Variants in SMG1 observed in about 807,000 individuals in gnomAD.
SMG1 encodes the protein serine/threonine-protein kinase SMG1.
Under a neutral mutation model 419.9 loss-of-function variants are expected in SMG1, and 22 were observed. That is an observed-to-expected ratio of 0.05 (90% CI 0.04 to 0.07). The LOEUF (loss-of-function observed/expected upper bound fraction) is 0.07. Ranked by LOEUF, SMG1 falls within the 10% of genes least tolerant of loss-of-function variation. SMG1 has a pLI of 1.00. For missense variants in SMG1, 3,185 were observed against 4,342.0 expected, an observed-to-expected ratio of 0.73 and a Z score of 7.49; for synonymous variants, 1,538 against 1,553.5, an observed-to-expected ratio of 0.99 and a Z score of 0.23.
intron 1 of SMG1, among the ~76,000 whole-genome samples, chr16:18,918,551 G>GTT (rs1479083196): frequency 6.6e-6 from 1 of 151,880 alleles, no homozygotes; most frequent in Non-Finnish European, 1.5e-5. Context: ...GACCCTCCAG[G>GTT]TTTTTGTTTT....
intron 29 of SMG1, chr16:18,857,588 A>C (rs1448009116): frequency 2.0e-5 from 3 of 152,224 alleles, no homozygotes; most frequent in Admixed American, 2.0e-4. Context: ...CAGTGATTAA[A>C]ATTTTTTTAA....
At chr16:18,898,209 C>A (rs1270319013) in intron 1 of SMG1, among the ~76,000 whole-genome samples, 2 of 152,128 alleles carry the variant, frequency 1.3e-5, no homozygotes. Context: ...AGAATGCAGA[C>A]AACAGGTCCA....
At chr16:18,900,754 A>C (rs955691449) in intron 1 of SMG1, among the ~76,000 whole-genome samples, 1 of 152,336 alleles carries the variant, frequency 6.6e-6, no homozygotes. Context: ...TATTCTCTAA[A>C]GTAGCAAAGA....
chr16:18,899,199 C>T (rs117918864), intron 1 of SMG1, among the ~76,000 whole-genome samples: 5,331 of 152,096 alleles, frequency 0.035, 149 homozygotes, highest in Non-Finnish European at 0.053. Context: ...CTGAAGAAAC[C>T]GGGTAATCTG....
chr16:18,891,322 T>C lies in SMG1; in HGVS notation c.550-401A>G, dbSNP rs2036866624. On this transcript the variant is annotated intron_variant, in intron 4 of 62. Coordinates refer to ENST00000446231, the MANE Select transcript of SMG1 (RefSeq NM_015092.5). ...AATGTCAAATTCTTTCAACTTGCTA[T>C]ATATTTGAACCTTCTCATAATAAAA... Among the ~76,000 whole-genome samples, 5 of 152,236 alleles carry C rather than the reference T, an allele frequency of 3.3e-5. No homozygotes were observed. In the South Asian group the frequency reaches 1.0e-3, roughly 31 times the overall value.
intron 41 of SMG1, 78 bp from the exon 42 acceptor site, chr16:18,840,024 T>C (rs2033824339): frequency 9.3e-6 from 11 of 1,187,176 alleles, no homozygotes; most frequent in Admixed American, 2.8e-5. Context: ...GTATGTAAAG[T>C]AGAATTTTTA....
chr16:18,875,954 C>T, intron 13 of SMG1, 170 bp downstream of exon 13: 2 of 676,860 alleles, frequency 3.0e-6, no homozygotes, highest in South Asian at 4.4e-5. Flanking sequence ...AAATATAATG[C>T]CAAGAAAACA....
rs1021388260 is a variant in SMG1, at chr16:18,806,731, G to A, written c.*2838C>T. The A allele has an allele frequency of 6.6e-6, 1 of 152,226 alleles. No individual in the cohort carries two copies. Among genetic ancestry groups the A allele is most frequent in the Non-Finnish European group, 1.5e-5 (1 of 68,040 alleles). 9.4% of individuals were successfully genotyped at this position (152,226 alleles called of 1,614,324 possible). On this transcript the variant is annotated 3_prime_UTR_variant, in exon 63 of 63. Coordinates refer to ENST00000446231, the MANE Select transcript of SMG1 (RefSeq NM_015092.5). ...TGATTCTTAAAGAAAGTGGAGGAGA[G>A]GGGGAGGCGACAGAGGAATGGAGGG... is the stretch of plus-strand genomic sequence containing the variant.
chr16:18,845,697 A>G (rs1383704002), intron 38 of SMG1, 46 bp from the exon 39 acceptor site: 2 of 1,413,072 alleles, frequency 1.4e-6, no homozygotes, highest in African/African-American at 1.4e-5. Flanking sequence ...TGTGTACATT[A>G]AAGTTTTACA....
chr16:18,923,770 T>A (rs539927697), intron 1 of SMG1, among the ~76,000 whole-genome samples: 1 of 152,304 alleles, frequency 6.6e-6, no homozygotes, highest in South Asian at 2.1e-4. Flanking sequence ...CATCTGAAGA[T>A]GTTCTAAACC....
chr16:18,844,570 T>TCACACACACACACACACA (rs56381713), intron 39 of SMG1, among the ~76,000 whole-genome samples: 2,352 of 88,536 alleles, frequency 0.027, 566 homozygotes, highest in African/African-American at 0.13. Context: ...CATCCTTCTC[T>TCACACACACACACACACA]CACACACACA....
In SMG1 at chr16:18,890,749, T is replaced by C. The variant is rs1596606810; in HGVS notation, c.608+114A>G. The C allele has an allele frequency of 1.1e-5, 7 of 647,212 alleles. No homozygotes were observed. The East Asian group carries it at 1.7e-4, about 15-fold the overall frequency. The allele number at this position is 647,212 out of a possible 1,614,324, so 40.1% of individuals were successfully genotyped here. A position where few individuals can be genotyped will look rare whatever the true frequency, so the allele number is the denominator to read the frequency against. ...ATAAAAATGACAAGACCCACTGAAATGTCAATAGATGTTCATAAACAAAGC... is the reference window on the plus strand; with the variant it reads ...ATAAAAATGACAAGACCCACTGAAACGTCAATAGATGTTCATAAACAAAGC... On this transcript the variant is annotated intron_variant, in intron 5 of 62. Transcript: ENST00000446231.
chr16:18,874,197 G>A (rs2035979833), intron 13 of SMG1, among the ~76,000 whole-genome samples: 1 of 151,890 alleles, frequency 6.6e-6, no homozygotes, highest in African/African-American at 2.4e-5. Flanking sequence ...GGAGTGCAGT[G>A]GTGTGATCTC....
intron 29 of SMG1, among the ~76,000 whole-genome samples, chr16:18,856,134 G>A (rs2034886614): frequency 6.6e-6 from 1 of 151,956 alleles, no homozygotes; most frequent in Admixed American, 6.6e-5. Flanking sequence ...CTGATTCCTA[G>A]GATTAAATCA....
intron 31 of SMG1, among the ~76,000 whole-genome samples, chr16:18,853,334 GC>G (rs1178479631): frequency 1.3e-5 from 2 of 152,106 alleles, no homozygotes; most frequent in East Asian, 3.8e-4. Flanking sequence ...GATATGAGGG[GC>G]AGGATCTTAT....
At chr16:18,865,292 T>C (rs951577995) in intron 23 of SMG1, among the ~76,000 whole-genome samples, 6 of 152,218 alleles carry the variant, frequency 3.9e-5, no homozygotes, top group Non-Finnish European at 5.9e-5. Context: ...ACAATAACTA[T>C]TTTTGCTGAC....
intron 22 of SMG1, among the ~76,000 whole-genome samples, chr16:18,867,526 A>AAATAAAT (rs1555498318): frequency 5.6e-5 from 8 of 142,078 alleles, no homozygotes; most frequent in African/African-American, 2.1e-4. Context: ...TGTGTCTCAA[A>AAATAAAT]AAATAAATAA....
intron 6 of SMG1, among the ~76,000 whole-genome samples, chr16:18,887,968 C>A (rs1399418830): frequency 2.0e-5 from 3 of 150,952 alleles, no homozygotes; most frequent in Non-Finnish European, 3.0e-5. Flanking sequence ...GAGTTCAAGA[C>A]CAGCATGGCC....
rs1237741684 is a variant in SMG1 at position 18,807,116 on chromosome 16, T to C, written c.*2453A>G. 6.6e-6 allele frequency: 1 copy of C among 152,228 alleles called. No homozygotes were observed. The highest frequency in any genetic ancestry group is 2.4e-5 in the African/African-American group (1 of 41,456). 9.4% of individuals were successfully genotyped at this position (152,228 alleles called of 1,614,324 possible). On this transcript the variant is annotated 3_prime_UTR_variant, in exon 63 of 63. Transcript: ENST00000446231. Reference sequence around the variant, plus strand: ...CATGCTTTTGAAGTAAAGCTGTTTTTTGTTTTTGCTTGAGTAAGGTGCCAG... The same window carrying C: ...CATGCTTTTGAAGTAAAGCTGTTTTCTGTTTTTGCTTGAGTAAGGTGCCAG...
Sources: gnomAD v4.1 joint callset for allele counts (sites outside exome capture counted in the v4.1 genomes callset) on GRCh38, gnomAD v4.1.1 for gene constraint, MANE v1.5 for transcripts, NCBI Gene and HGNC (gene_info 2026-07-23, HGNC 2026-07-21) for gene names.